TMEM144: variants seen among roughly 807,000 people sequenced by gnomAD.
TMEM144 encodes transmembrane protein 144.
A neutral mutation model predicts 43.6 loss-of-function variants in TMEM144; 39 were observed. The ratio of observed to expected loss-of-function variants is 0.90; its 90% CI spans 0.69 to 1.17. TMEM144 has a LOEUF of 1.17. Among genes scored for constraint, TMEM144 ranks in the 50% most tolerant of loss-of-function variants. The pLI is 0.00. For synonymous variants in TMEM144, 154 were observed against 133.6 expected (o/e 1.15, Z -1.06); for missense variants, 417 against 411.9 (o/e 1.01, Z -0.11).
At chr4:158,221,548 A>G (rs897229556) in intron 6 of TMEM144, among the ~76,000 whole-genome samples, 26 of 152,208 alleles carry the variant, frequency 1.7e-4, no homozygotes, top group African/African-American at 5.3e-4. Flanking sequence ...GCTTTCTTGA[A>G]GATCCAGAAG....
chr4:158,220,667 T>C (rs1434669745), intron 6 of TMEM144, among the ~76,000 whole-genome samples: 1 of 152,242 alleles, frequency 6.6e-6, no homozygotes, highest in African/African-American at 2.4e-5. Flanking sequence ...TGTTTAGTGC[T>C]TCATATAGTG....
chr4:158,236,746 CAA>C (rs1421099031), intron 8 of TMEM144, among the ~76,000 whole-genome samples: 3 of 151,852 alleles, frequency 2.0e-5, no homozygotes, highest in Non-Finnish European at 4.4e-5. Context: ...AGTGCAGTGG[CAA>C]AGTGCTGGGA....
intron 12 of TMEM144, among the ~76,000 whole-genome samples, chr4:158,246,305 G>T (rs1455360312): frequency 6.6e-6 from 1 of 152,138 alleles, no homozygotes; most frequent in African/African-American, 2.4e-5. Flanking sequence ...ATATGCAGTT[G>T]TAGTAGCAAA....
At chr4:158,245,559 G>C (rs563052110) in intron 12 of TMEM144, among the ~76,000 whole-genome samples, 1 of 152,196 alleles carries the variant, frequency 6.6e-6, no homozygotes, top group South Asian at 2.1e-4. Flanking sequence ...TGAGTAAAGT[G>C]CTAAAAACAC....
chr4:158,237,510 T>C lies in TMEM144; in HGVS notation c.564-15T>C, dbSNP rs898361824. 2.8e-5 allele frequency: 45 copies of C among 1,583,022 alleles called. No homozygotes were observed. The highest frequency in any genetic ancestry group is 3.7e-5 in the Non-Finnish European group (43 of 1,155,854). On this transcript the variant is annotated splice_polypyrimidine_tract_variant and intron_variant, in intron 8 of 12. Transcript: ENST00000296529. Reference sequence around the variant, plus strand: ...CTTTGAGCCAAGATTAATAGTGATTTATTTGTTTTGTAAGGGGCTGCAGTC... The same window carrying C: ...CTTTGAGCCAAGATTAATAGTGATTCATTTGTTTTGTAAGGGGCTGCAGTC...
At chr4:158,245,250 GTGTGTGTGTGTGTA>G (rs1197228666) in intron 12 of TMEM144, among the ~76,000 whole-genome samples, 5,037 of 117,072 alleles carry the variant, frequency 0.043, 217 homozygotes, top group African/African-American at 0.14. Flanking sequence ...GTGTGTGTGT[GTGTGTGTGTGTGTA>G]TGTATGTTTT....
chr4:158,244,631 C>T (rs1735796316), intron 12 of TMEM144, among the ~76,000 whole-genome samples: 1 of 152,134 alleles, frequency 6.6e-6, no homozygotes, highest in Admixed American at 6.5e-5. Context: ...GATCACGCCA[C>T]TGCCCTCCAG....
At chr4:158,251,046 T>C (rs1488656045) in intron 12 of TMEM144, among the ~76,000 whole-genome samples, 1 of 152,188 alleles carries the variant, frequency 6.6e-6, no homozygotes, top group Non-Finnish European at 1.5e-5. Context: ...CCATTCCTTT[T>C]TTCTTTTTCC....
chr4:158,215,467 A>G (rs956706513), intron 4 of TMEM144, among the ~76,000 whole-genome samples, 154 bp downstream of exon 4: 6 of 152,180 alleles, frequency 3.9e-5, no homozygotes, highest in Admixed American at 3.9e-4. Context: ...CACATGCTCA[A>G]TGAATATTTT....
In TMEM144 at chr4:158,212,733, T is replaced by A; in HGVS notation, c.66T>A (p.Phe22Leu). ...CCTGTTTTGTAGCTATCCTTTTGTT[T>A]GGCTCAAATTTTGTGCCACTTAAAA... The part of the protein sequence containing the change: ...YISCFVAILL[F>L]GSNFVPLKKF... The change falls in exon 3 of 13, where the codon TTT (phenylalanine) becomes TTA (leucine). Residue 22 changes from phenylalanine to leucine, a missense_variant. By Grantham distance (22) the Phe-to-Leu change is conservative. Coordinates refer to ENST00000296529, the MANE Select transcript of TMEM144 (RefSeq NM_018342.5). 1 of 1,613,908 alleles carries A rather than the reference T, an allele frequency of 6.2e-7. No homozygotes were observed. The highest frequency in any genetic ancestry group is 8.5e-7 in the Non-Finnish European group (1 of 1,179,890).
At chr4:158,240,045 CTGGCTAATTTTT>C (rs1735548186) in intron 9 of TMEM144, among the ~76,000 whole-genome samples, 1 of 152,076 alleles carries the variant, frequency 6.6e-6, no homozygotes, top group African/African-American at 2.4e-5. Context: ...GCCACCACAC[CTGGCTAATTTTT>C]TGTATTTTTA....
At chr4:158,234,816 C>T (rs1258257001) in intron 7 of TMEM144, 4 of 152,492 alleles carry the variant, frequency 2.6e-5, no homozygotes, top group African/African-American at 9.7e-5. Context: ...CTATTCAGAA[C>T]AGTGTGAAAT....
chr4:158,249,473 A>G (rs1736070562), intron 12 of TMEM144, among the ~76,000 whole-genome samples: 1 of 152,190 alleles, frequency 6.6e-6, no homozygotes, highest in Non-Finnish European at 1.5e-5. Context: ...TCTTTCCAAG[A>G]GTTAACATCC....
intron 11 of TMEM144, among the ~76,000 whole-genome samples, chr4:158,241,990 A>G (rs571386357): frequency 1.6e-4 from 24 of 152,348 alleles, no homozygotes; most frequent in African/African-American, 5.5e-4. Context: ...TATCCTTCAC[A>G]AAACTTTTAT....
chr4:158,242,962 CA>C (rs939763532), intron 11 of TMEM144, among the ~76,000 whole-genome samples: 18 of 152,116 alleles, frequency 1.2e-4, no homozygotes, highest in African/African-American at 4.3e-4. Context: ...TTACTTTTAC[CA>C]AAGCACCCTT....
chr4:158,237,702 AT>A, intron 9 of TMEM144, 59 bp downstream of exon 9: 1 of 1,168,520 alleles, frequency 8.6e-7, no homozygotes, highest in Non-Finnish European at 1.2e-6. Context: ...TATAAAAAGA[AT>A]TGTGATAATA....
chr4:158,226,084 A>G (rs1036712242), intron 6 of TMEM144, among the ~76,000 whole-genome samples: 1 of 152,242 alleles, frequency 6.6e-6, no homozygotes, highest in Non-Finnish European at 1.5e-5. Context: ...TGCAGATGGA[A>G]TATTTGATCC....
intron 1 of TMEM144, chr4:158,210,994 CTT>C (rs34557120): frequency 6.6e-6 from 1 of 152,138 alleles, no homozygotes; most frequent in African/African-American, 2.4e-5. Context: ...ATGTTTGAGA[CTT>C]TTTAGGTTTT....
chr4:158,236,086 A>G (rs1735331196), intron 8 of TMEM144, among the ~76,000 whole-genome samples: 8 of 152,230 alleles, frequency 5.3e-5, no homozygotes, highest in Admixed American at 5.2e-4. Context: ...ACTTCCAAAT[A>G]AATATGAAAA....
Sources: gnomAD v4.1 joint callset for allele counts (sites outside exome capture counted in the v4.1 genomes callset) on GRCh38, gnomAD v4.1.1 for gene constraint, MANE v1.5 for transcripts, NCBI Gene and HGNC (gene_info 2026-07-23, HGNC 2026-07-21) for gene names.